The following IQCH variants were observed in gnomAD, a reference collection of about 807,000 sequenced individuals.
IQCH encodes the protein IQ motif containing H, also known as IQ domain-containing protein H.
A neutral mutation model predicts 117.0 loss-of-function variants in IQCH; 98 were observed. That is an observed-to-expected ratio of 0.84 (90% CI 0.71 to 0.99). The LOEUF (loss-of-function observed/expected upper bound fraction) is 0.99, where lower values mean the gene tolerates loss of function less well. Ranked by LOEUF, IQCH falls within the 50% of genes least tolerant of loss-of-function variation. IQCH has a pLI of 0.00. For missense variants in IQCH, 1,102 were observed against 1,243.8 expected, an observed-to-expected ratio of 0.89 and a Z score of 1.72; for synonymous variants, 412 against 448.2, an observed-to-expected ratio of 0.92 and a Z score of 1.02.
intron 8 of IQCH, among the ~76,000 whole-genome samples, chr15:67,363,556 T>G (rs1001613980): frequency 6.6e-5 from 10 of 152,266 alleles, no homozygotes; most frequent in African/African-American, 2.2e-4. Context: ...TAATTTTTAT[T>G]TTTTCAACTT....
chr15:67,285,258 T>A (rs1966515695), intron 4 of IQCH, among the ~76,000 whole-genome samples: 1 of 152,118 alleles, frequency 6.6e-6, no homozygotes, highest in South Asian at 2.1e-4. Flanking sequence ...TATGTCATCT[T>A]TTGAAAAGTA....
In IQCH at chr15:67,479,784, A is replaced by G. The variant is rs1431344362; in HGVS notation, c.2799+3966A>G. Among the ~76,000 whole-genome samples, 1 of 152,228 alleles carries G rather than the reference A, an allele frequency of 6.6e-6. No homozygotes were observed. The highest frequency in any genetic ancestry group is 1.5e-5 in the Non-Finnish European group (1 of 68,042). On this transcript the variant is annotated intron_variant, in intron 18 of 20. Transcript: ENST00000335894. The surrounding 1 kb of genome is among the most constrained non-coding windows in gnomAD (Gnocchi z 4.6). ...ACATCATTGTCAGTGCTACCAAAAGAAGAATCCTCAAAAGTCCTTATTCTC... is the reference window on the plus strand; with the variant it reads ...ACATCATTGTCAGTGCTACCAAAAGGAGAATCCTCAAAAGTCCTTATTCTC...
In IQCH at chr15:67,384,849, T is replaced by C. The variant is rs1474896016; in HGVS notation, c.1373-87T>C. On this transcript the variant is annotated intron_variant, in intron 10 of 20. Coordinates refer to ENST00000335894, the MANE Select transcript of IQCH (RefSeq NM_001031715.3). The surrounding 1 kb of genome is among the most constrained non-coding windows in gnomAD (Gnocchi z 4.3). Reference sequence around the variant, plus strand: ...CAGAGAAAATTTTTTCCTGGAAATATGGACTGTGACATTTTGAAATTCTCT... The same window carrying C: ...CAGAGAAAATTTTTTCCTGGAAATACGGACTGTGACATTTTGAAATTCTCT... 4 of 863,838 alleles carry C rather than the reference T, an allele frequency of 4.6e-6. No individual in the cohort carries two copies. The highest frequency in any genetic ancestry group is 1.4e-5 in the South Asian group (1 of 71,168). 53.5% of individuals were successfully genotyped at this position (863,838 alleles called of 1,614,324 possible).
chr15:67,267,910 C>T (rs1965742531), intron 3 of IQCH, among the ~76,000 whole-genome samples: 1 of 152,158 alleles, frequency 6.6e-6, no homozygotes, highest in African/African-American at 2.4e-5. Flanking sequence ...TCAAGATCTT[C>T]ATCATCATCA....
At position 67,386,213 on chromosome 15, in the gene IQCH, T is replaced by A. The variant is rs533612512; in HGVS notation, c.1456+1194T>A. On this transcript the variant is annotated intron_variant, in intron 11 of 20. Coordinates refer to ENST00000335894, the MANE Select transcript of IQCH (RefSeq NM_001031715.3). The surrounding 1 kb of genome is among the most constrained non-coding windows in gnomAD (Gnocchi z 5.0). The stretch of plus-strand genomic sequence containing the variant: ...CCTCTAATTTATTTGAATTAATTTT[T>A]TTCTTCAGCTTTTTATATCTCTTTC... Among the ~76,000 whole-genome samples, 21 of 152,184 alleles carry A rather than the reference T, an allele frequency of 1.4e-4. No homozygotes were observed. The highest frequency in any genetic ancestry group is 2.5e-4 in the Non-Finnish European group (17 of 68,026).
rs749577879 is a variant in IQCH, at chr15:67,476,153, T to A, written c.2799+335T>A. ...CTTCCTGATCCCACCCAAAGCTGCT[T>A]ATCAATGAATAGCTTCTGTCTTAGT... On this transcript the variant is annotated intron_variant, in intron 18 of 20. Coordinates refer to ENST00000335894, the MANE Select transcript of IQCH (RefSeq NM_001031715.3). The surrounding 1 kb of genome is among the most constrained non-coding windows in gnomAD (Gnocchi z 4.1). Among the ~76,000 whole-genome samples, 44 of 152,222 alleles carry A rather than the reference T, an allele frequency of 2.9e-4. No homozygotes were observed. The highest frequency in any genetic ancestry group is 5.9e-4 in the Non-Finnish European group (40 of 68,040).
rs2083659861 is a variant in IQCH, at chr15:67,491,733, G to A, written c.2861+1669G>A. 1.3e-5 allele frequency among the ~76,000 whole-genome samples: 2 copies of A among 152,026 alleles called. No individual in the cohort carries two copies. Among genetic ancestry groups the A allele is most frequent in the Admixed American group, 1.3e-4 (2 of 15,258 alleles). On this transcript the variant is annotated intron_variant, in intron 19 of 20. Coordinates refer to ENST00000335894, the MANE Select transcript of IQCH (RefSeq NM_001031715.3). This position sits in a 1 kb window ranked among gnomAD's most constrained non-coding sequence, Gnocchi z 4.9. The stretch of plus-strand genomic sequence containing the variant: ...GATAACAGAGCCAGGGACACCTCTG[G>A]GCATGTGCAGGGAAGGATCAGCCCC...
Position 67,413,529 on chromosome 15 carries a change from T to C in IQCH, c.2098-3402T>C, listed in dbSNP as rs1183866662. 6.6e-6 allele frequency: 1 copy of C among 152,212 alleles called. No homozygotes were observed. The allele number at this position is 152,212 out of a possible 1,614,324, so 9.4% of individuals were successfully genotyped here. ...TGAATATATGAGCTGCAGGTCCTGC[T>C]GTATTTTTTTGGTTTGTTTTGTAGG... On this transcript the variant is annotated intron_variant, in intron 14 of 20. Transcript: ENST00000335894. This position sits in a 1 kb window ranked among gnomAD's most constrained non-coding sequence, Gnocchi z 5.0.
chr15:67,281,330 A>G (rs1184950993), intron 4 of IQCH, among the ~76,000 whole-genome samples: 1 of 152,186 alleles, frequency 6.6e-6, no homozygotes, highest in Non-Finnish European at 1.5e-5. Flanking sequence ...AAGGCATACA[A>G]GTTTATTTAA....
chr15:67,465,844 C>T lies in IQCH; in HGVS notation c.2676+547C>T, dbSNP rs2082918474. 6.6e-6 allele frequency among the ~76,000 whole-genome samples: 1 copy of T among 152,124 alleles called. No individual in the cohort carries two copies. Among genetic ancestry groups the T allele is most frequent in the Non-Finnish European group, 1.5e-5 (1 of 68,030 alleles). On this transcript the variant is annotated intron_variant, in intron 17 of 20. Coordinates refer to ENST00000335894, the MANE Select transcript of IQCH (RefSeq NM_001031715.3). The surrounding 1 kb of genome is among the most constrained non-coding windows in gnomAD (Gnocchi z 5.9). Reference sequence around the variant, plus strand: ...GCTACGAAAATGCCACTAACCTGACCCCTCCTCTCTCTCCACAAAGATAGT... The same window carrying T: ...GCTACGAAAATGCCACTAACCTGACTCCTCCTCTCTCTCCACAAAGATAGT...
At position 67,275,374 on chromosome 15, in the gene IQCH, G is replaced by C. The variant is rs140226363; in HGVS notation, c.270-4021G>C. On this transcript the variant is annotated intron_variant, in intron 3 of 20. Transcript: ENST00000335894. ...CTGATTTCCTTTCCATCTGCTTGGA[G>C]TTTTTTCCCTTCTCCATGACCTGGG... 6.6e-5 allele frequency among the ~76,000 whole-genome samples: 10 copies of C among 152,086 alleles called. 2 individuals carry two copies. The highest frequency in any genetic ancestry group is 2.4e-4 in the African/African-American group (10 of 41,484).
chr15:67,273,366 G>GGCCCA (rs1401803631), intron 3 of IQCH, among the ~76,000 whole-genome samples: 2 of 152,104 alleles, frequency 1.3e-5, no homozygotes, highest in Non-Finnish European at 2.9e-5. Context: ...CACCATGCCT[G>GGCCCA]GCCTGAGCCA....
intron 4 of IQCH, among the ~76,000 whole-genome samples, chr15:67,305,482 T>C (rs945678813): frequency 2.0e-5 from 3 of 152,124 alleles, no homozygotes; most frequent in African/African-American, 7.2e-5. Context: ...TTATTCCTGC[T>C]GAAACTTTAT....
Position 67,481,298 on chromosome 15 carries a change from G to A in IQCH, c.2799+5480G>A, listed in dbSNP as rs932399663. 1.3e-5 allele frequency among the ~76,000 whole-genome samples: 2 copies of A among 152,156 alleles called. No homozygotes were observed. Among genetic ancestry groups the A allele is most frequent in the Non-Finnish European group, 2.9e-5 (2 of 68,020 alleles). ...TTCTGCATGCCTGGGGAGGTCTCAGGAAACTTACAATCATGGCGAAAGGGG... is the reference window on the plus strand; with the variant it reads ...TTCTGCATGCCTGGGGAGGTCTCAGAAAACTTACAATCATGGCGAAAGGGG... On this transcript the variant is annotated intron_variant, in intron 18 of 20. Coordinates refer to ENST00000335894, the MANE Select transcript of IQCH (RefSeq NM_001031715.3). The surrounding 1 kb of genome is among the most constrained non-coding windows in gnomAD (Gnocchi z 4.1).
chr15:67,448,809 T>C (rs1378666806), intron 16 of IQCH, among the ~76,000 whole-genome samples: 1 of 152,144 alleles, frequency 6.6e-6, no homozygotes, highest in Non-Finnish European at 1.5e-5. Context: ...CCACACTGAC[T>C]TCCACAATGG....
Position 67,356,295 on chromosome 15 carries a change from G to A in IQCH, c.638-1050G>A, listed in dbSNP as rs568545295. On this transcript the variant is annotated intron_variant, in intron 6 of 20. Coordinates refer to ENST00000335894, the MANE Select transcript of IQCH (RefSeq NM_001031715.3). This position sits in a 1 kb window ranked among gnomAD's most constrained non-coding sequence, Gnocchi z 5.3. The stretch of plus-strand genomic sequence containing the variant: ...ACTACAAGTCACAGGGAAGCTTGCC[G>A]GAAGCCAGGGAAACCAGAGGGTTGT... Among the ~76,000 whole-genome samples, 6 of 152,258 alleles carry A rather than the reference G, an allele frequency of 3.9e-5. No homozygotes were observed. The highest frequency in any genetic ancestry group is 4.2e-4 in the South Asian group (2 of 4,816).
chr15:67,496,843 C>T lies in IQCH; in HGVS notation c.2970+2477C>T, dbSNP rs2141109644. Among the ~76,000 whole-genome samples the T allele has an allele frequency of 6.6e-6, 1 of 150,772 alleles. No individual in the cohort carries two copies. Among genetic ancestry groups the T allele is most frequent in the Admixed American group, 6.6e-5 (1 of 15,148 alleles). ...ACCATCCTGGCTAACAAGGTGAAAC[C>T]CCGTCTCTACTAAAAATACAAAAAA... is the stretch of plus-strand genomic sequence containing the variant. On this transcript the variant is annotated intron_variant, in intron 20 of 20. Coordinates refer to ENST00000335894, the MANE Select transcript of IQCH (RefSeq NM_001031715.3). This position sits in a 1 kb window ranked among gnomAD's most constrained non-coding sequence, Gnocchi z 4.4.
intron 4 of IQCH, among the ~76,000 whole-genome samples, chr15:67,311,075 G>A (rs1967570620): frequency 6.6e-6 from 1 of 151,984 alleles, no homozygotes; most frequent in African/African-American, 2.4e-5. Flanking sequence ...TCATTTTATA[G>A]ATAAGGAAAC....
intron 18 of IQCH, 63 bp from the exon 19 acceptor site, chr15:67,489,940 A>G (rs1433016006): frequency 8.7e-7 from 1 of 1,153,064 alleles, no homozygotes; most frequent in African/African-American, 1.5e-5. Context: ...TGCCAGTAAC[A>G]TTTTCTGTAC....
Sources: gnomAD v4.1 joint callset for allele counts (sites outside exome capture counted in the v4.1 genomes callset) on GRCh38, gnomAD v4.1.1 for gene constraint, Gnocchi (gnomAD v3.1) non-coding constraint, MANE v1.5 for transcripts, NCBI Gene and HGNC (gene_info 2026-07-23, HGNC 2026-07-21) for gene names.